CTNNA3: variants seen among roughly 807,000 people sequenced by gnomAD.
The protein encoded by CTNNA3 is catenin alpha 3.
A neutral mutation model predicts 95.7 loss-of-function variants in CTNNA3; 76 were observed. The ratio of observed to expected loss-of-function variants is 0.79; its 90% CI spans 0.66 to 0.96. The LOEUF (loss-of-function observed/expected upper bound fraction) is 0.96. Among genes scored for constraint, CTNNA3 ranks in the 40% least tolerant of loss-of-function variants. The probability of loss-of-function intolerance (pLI) is 0.00; values close to 1 mark genes in which losing one functional copy is unlikely to be tolerated. For missense variants in CTNNA3, 1,191 were observed against 1,089.8 expected (o/e 1.09, Z -1.31); for synonymous variants, 431 against 374.4 (o/e 1.15, Z -1.74).
At chr10:66,765,360 G>A (rs1839802394) in intron 9 of CTNNA3, among the ~76,000 whole-genome samples, 1 of 152,156 alleles carries the variant, frequency 6.6e-6, no homozygotes, top group South Asian at 2.1e-4. Flanking sequence ...TTCATGACTG[G>A]TATAGGAAGG....
chr10:66,123,816 C>T (rs555724247), intron 13 of CTNNA3, among the ~76,000 whole-genome samples: 6 of 152,246 alleles, frequency 3.9e-5, no homozygotes, highest in Admixed American at 2.6e-4. Context: ...TCGACATTTG[C>T]CCCTTTATTC....
intron 13 of CTNNA3, among the ~76,000 whole-genome samples, chr10:66,108,558 A>G (rs1419142904): frequency 6.6e-6 from 1 of 151,802 alleles, no homozygotes; most frequent in African/African-American, 2.4e-5. Context: ...TATTTTCTTT[A>G]GGTCCTTTTT....
At chr10:67,142,463 A>G (rs1448317472) in intron 7 of CTNNA3, among the ~76,000 whole-genome samples, 4 of 152,190 alleles carry the variant, frequency 2.6e-5, no homozygotes, top group Non-Finnish European at 5.9e-5. Context: ...CATTCCTCAG[A>G]GATACTGCAG....
At chr10:67,165,597 C>T (rs1396266075) in intron 7 of CTNNA3, among the ~76,000 whole-genome samples, 1 of 152,150 alleles carries the variant, frequency 6.6e-6, no homozygotes, top group Non-Finnish European at 1.5e-5. Flanking sequence ...GTACAAAGAA[C>T]CTCTCTGTGC....
chr10:66,085,843 CCT>C (rs1249272770), intron 14 of CTNNA3, among the ~76,000 whole-genome samples: 4 of 82,858 alleles, frequency 4.8e-5, no homozygotes. Context: ...TAATTCAATC[CCT>C]TTTTATGTAG....
chr10:67,367,945 A>C (rs1298531267), intron 5 of CTNNA3, among the ~76,000 whole-genome samples: 1 of 152,146 alleles, frequency 6.6e-6, no homozygotes, highest in Non-Finnish European at 1.5e-5. Context: ...TATGCTCAGT[A>C]TGTGGGTGAT....
At chr10:67,361,586 A>AT (rs1231828295) in intron 5 of CTNNA3, among the ~76,000 whole-genome samples, 1 of 152,192 alleles carries the variant, frequency 6.6e-6, no homozygotes, top group East Asian at 1.9e-4. Flanking sequence ...GAAAACAGAG[A>AT]TACAACATAC....
chr10:65,944,942 C>T (rs961824165), intron 17 of CTNNA3, among the ~76,000 whole-genome samples: 1 of 151,602 alleles, frequency 6.6e-6, no homozygotes, highest in Non-Finnish European at 1.5e-5. Context: ...TAAATATCTA[C>T]ACACTAGGTA....
intron 5 of CTNNA3, among the ~76,000 whole-genome samples, chr10:67,321,513 G>A (rs1041659078): frequency 8.6e-5 from 13 of 152,036 alleles, no homozygotes; most frequent in Admixed American, 3.9e-4. Context: ...GCAGATCAGC[G>A]GCACCCAGAG....
At chr10:67,468,020 C>CT (rs746617151) in intron 5 of CTNNA3, among the ~76,000 whole-genome samples, 99 of 142,482 alleles carry the variant, frequency 6.9e-4, no homozygotes, top group East Asian at 1.8e-3. Flanking sequence ...CTCCAACTTT[C>CT]TTTTTTTTTT....
At chr10:67,438,433 A>G (rs1360527572) in intron 5 of CTNNA3, among the ~76,000 whole-genome samples, 1 of 152,048 alleles carries the variant, frequency 6.6e-6, no homozygotes, top group Non-Finnish European at 1.5e-5. Context: ...TGACAGTGAA[A>G]CTCCTTACAA....
chr10:67,378,711 T>C (rs963624737), intron 5 of CTNNA3, among the ~76,000 whole-genome samples: 1 of 152,188 alleles, frequency 6.6e-6, no homozygotes, highest in Non-Finnish European at 1.5e-5. Context: ...GTTCCAACCA[T>C]GTTGCTGTGA....
chr10:67,656,842 TAAGAG>T (rs1195532806), intron 1 of CTNNA3, among the ~76,000 whole-genome samples: 7 of 151,962 alleles, frequency 4.6e-5, no homozygotes. Flanking sequence ...AAGAGCATAG[TAAGAG>T]AGAAAGTCAG....
intron 13 of CTNNA3, among the ~76,000 whole-genome samples, chr10:66,170,718 A>T (rs1041995857): frequency 8.0e-6 from 1 of 124,404 alleles, no homozygotes; most frequent in African/African-American, 3.3e-5. Context: ...AGAGAAAGCA[A>T]TGTTTACCCA....
At chr10:67,212,971 C>T (rs56208895) in intron 6 of CTNNA3, among the ~76,000 whole-genome samples, 1 of 151,684 alleles carries the variant, frequency 6.6e-6, no homozygotes, top group African/African-American at 2.4e-5. Context: ...TTGAGAGCTA[C>T]TTTGTTTGTT....
intron 13 of CTNNA3, among the ~76,000 whole-genome samples, chr10:66,275,715 T>C (rs10822787): frequency 6.6e-6 from 1 of 151,608 alleles, no homozygotes; most frequent in South Asian, 2.1e-4. Context: ...TTAGTGACTA[T>C]CTGAAACTGT....
chr10:67,002,205 T>C (rs923204591), intron 7 of CTNNA3, among the ~76,000 whole-genome samples: 1 of 152,196 alleles, frequency 6.6e-6, no homozygotes, highest in Admixed American at 6.5e-5. Flanking sequence ...CAGAGTCGAA[T>C]GGGAAGCTTT....
At chr10:66,955,969 C>A (rs959065867) in intron 7 of CTNNA3, among the ~76,000 whole-genome samples, 3 of 152,078 alleles carry the variant, frequency 2.0e-5, no homozygotes, top group African/African-American at 7.2e-5. Flanking sequence ...TGGAGTAGTG[C>A]TCTGCCAGAA....
intron 1 of CTNNA3, among the ~76,000 whole-genome samples, chr10:67,736,211 A>ATATGAGTACTT (rs1358977058): frequency 7.4e-4 from 112 of 152,332 alleles, no homozygotes; most frequent in Non-Finnish European, 1.0e-3. Flanking sequence ...AGTATTGTAT[A>ATATGAGTACTT]ATTCCACTTA....
Sources: allele counts gnomAD v4.1 joint callset (sites outside exome capture counted in the v4.1 genomes callset), GRCh38; gene constraint gnomAD v4.1.1; transcripts MANE v1.5; gene names NCBI Gene and HGNC (gene_info 2026-07-23, HGNC 2026-07-21).